The following PDE4D variants were observed in gnomAD, a reference collection of about 807,000 sequenced individuals.
The protein encoded by PDE4D is phosphodiesterase 4D, also known as 3',5'-cyclic-AMP phosphodiesterase 4D.
Under a neutral mutation model 87.4 loss-of-function variants are expected in PDE4D, and 24 were observed. That is an observed-to-expected ratio of 0.27 (90% CI 0.20 to 0.39). The LOEUF is 0.39. Among genes scored for constraint, PDE4D ranks in the 10% least tolerant of loss-of-function variants. PDE4D has a pLI of 1.00. For synonymous variants in PDE4D, 384 were observed against 383.2 expected (o/e 1.00, Z -0.02); for missense variants, 714 against 1,041.0 (o/e 0.69, Z 4.32).
intron 1 of PDE4D, among the ~76,000 whole-genome samples, chr5:59,817,726 G>A (rs1052056740): frequency 8.6e-5 from 13 of 151,048 alleles, no homozygotes; most frequent in Admixed American, 6.6e-4. Context: ...GCACGCGCGC[G>A]CGCGCACACA....
At chr5:59,039,509 C>T (rs1245529837) in intron 5 of PDE4D, 2 of 985,648 alleles carry the variant, frequency 2.0e-6, no homozygotes, top group Non-Finnish European at 2.4e-6. Flanking sequence ...TGCGCGGCCA[C>T]CACGTTTCCT....
At chr5:59,163,505 A>T (rs1032297928) in intron 5 of PDE4D, among the ~76,000 whole-genome samples, 2 of 151,992 alleles carry the variant, frequency 1.3e-5, no homozygotes, top group African/African-American at 2.4e-5. Context: ...TCCTGACCTC[A>T]GGTGATCCGC....
intron 2 of PDE4D, among the ~76,000 whole-genome samples, chr5:60,031,884 C>A (rs1339779271): frequency 6.6e-6 from 1 of 151,996 alleles, no homozygotes; most frequent in Non-Finnish European, 1.5e-5. Context: ...ATTACATATG[C>A]AGAAAATATA....
intron 1 of PDE4D, among the ~76,000 whole-genome samples, chr5:59,849,501 T>A (rs1270316830): frequency 3.8e-4 from 57 of 151,986 alleles, no homozygotes; most frequent in Non-Finnish European, 5.9e-5. Context: ...TCCTAGAAAA[T>A]ATGAGTGTCC....
intron 1 of PDE4D, among the ~76,000 whole-genome samples, chr5:60,271,600 T>C (rs1183046217): frequency 3.3e-5 from 5 of 152,216 alleles, no homozygotes; most frequent in Non-Finnish European, 5.9e-5. Flanking sequence ...ATAGTCATTC[T>C]GAAAGCCAGA....
intron 1 of PDE4D, among the ~76,000 whole-genome samples, chr5:59,218,599 T>A (rs904565226): frequency 9.2e-5 from 14 of 152,122 alleles, no homozygotes; most frequent in Non-Finnish European, 1.8e-4. Context: ...TACTGTAATA[T>A]AAAAATTTGT....
chr5:60,468,130 C>CTTTTTTTTTTTTTTTTTTTTTTTTT (rs370784270), intron 1 of PDE4D, among the ~76,000 whole-genome samples: 1 of 126,186 alleles, frequency 7.9e-6, no homozygotes, highest in African/African-American at 3.1e-5. Context: ...AACTTTCTTT[C>CTTTTTTTTTTTTTTTTTTTTTTTTT]TTTTTTCTTT....
At chr5:59,919,918 A>C (rs1239600935) in intron 3 of PDE4D, among the ~76,000 whole-genome samples, 5 of 152,242 alleles carry the variant, frequency 3.3e-5, no homozygotes, top group African/African-American at 1.2e-4. Context: ...CTATTATTAA[A>C]TGAGGCATAT....
At chr5:59,009,122 G>C (rs1752252527) in intron 6 of PDE4D, among the ~76,000 whole-genome samples, 1 of 152,148 alleles carries the variant, frequency 6.6e-6, no homozygotes, top group African/African-American at 2.4e-5. Flanking sequence ...TACATTGCTA[G>C]TGAGAATGCA....
At chr5:59,798,168 G>C (rs979923226) in intron 1 of PDE4D, among the ~76,000 whole-genome samples, 5 of 152,032 alleles carry the variant, frequency 3.3e-5, no homozygotes, top group Admixed American at 3.3e-4. Context: ...GGGAGGTTGA[G>C]GCTGCAGTGA....
chr5:59,815,403 C>T (rs928709462), intron 1 of PDE4D, among the ~76,000 whole-genome samples: 4 of 152,126 alleles, frequency 2.6e-5, no homozygotes, highest in Middle Eastern at 3.2e-3. Flanking sequence ...ACCACAGGTA[C>T]GGTGTGGAGG....
intron 1 of PDE4D, among the ~76,000 whole-genome samples, chr5:59,684,783 TG>T (rs1056579346): frequency 2.0e-5 from 3 of 152,220 alleles, no homozygotes; most frequent in Admixed American, 2.0e-4. Context: ...GGGCATGTTG[TG>T]GCAGACACAT....
intron 1 of PDE4D, among the ~76,000 whole-genome samples, chr5:60,225,432 C>A: frequency 6.6e-6 from 1 of 150,706 alleles, no homozygotes; most frequent in Non-Finnish European, 1.5e-5. Flanking sequence ...GCAAACAGAA[C>A]TACAGGTAAA....
At chr5:60,146,084 T>C (rs1227435074) in intron 2 of PDE4D, among the ~76,000 whole-genome samples, 2 of 152,106 alleles carry the variant, frequency 1.3e-5, no homozygotes, top group Non-Finnish European at 2.9e-5. Flanking sequence ...TGTGGTGGCG[T>C]GCGCCTATAG....
intron 1 of PDE4D, among the ~76,000 whole-genome samples, chr5:59,237,979 T>C (rs1756846024): frequency 6.6e-6 from 1 of 152,178 alleles, no homozygotes; most frequent in Non-Finnish European, 1.5e-5. Context: ...GTTACATTTA[T>C]TCCTGAGATT....
intron 2 of PDE4D, among the ~76,000 whole-genome samples, chr5:60,082,660 G>T (rs951703734): frequency 6.6e-6 from 1 of 152,030 alleles, no homozygotes; most frequent in Non-Finnish European, 1.5e-5. Context: ...TAGTAGCAGG[G>T]CCCCACCCAA....
intron 2 of PDE4D, among the ~76,000 whole-genome samples, chr5:60,150,645 A>C (rs1414035189): frequency 2.6e-5 from 4 of 152,178 alleles, no homozygotes; most frequent in Non-Finnish European, 5.9e-5. Context: ...CTGTCATTAT[A>C]AAACCAGTTA....
At chr5:59,986,480 T>C (rs2152829344) in intron 3 of PDE4D, 1 of 152,358 alleles carries the variant, frequency 6.6e-6, no homozygotes, top group South Asian at 2.1e-4. Flanking sequence ...GCAACCAAAA[T>C]TTTTGAGATA....
chr5:59,238,175 C>T (rs1056394123), intron 1 of PDE4D, among the ~76,000 whole-genome samples: 1 of 152,094 alleles, frequency 6.6e-6, no homozygotes, highest in African/African-American at 2.4e-5. Flanking sequence ...GGAGAACATG[C>T]CATTTAGAAT....
Sources: gnomAD v4.1 joint callset for allele counts (sites outside exome capture counted in the v4.1 genomes callset) on GRCh38, gnomAD v4.1.1 for gene constraint, MANE v1.5 for transcripts, NCBI Gene and HGNC (gene_info 2026-07-23, HGNC 2026-07-21) for gene names.